The following SMAD5 variants were observed in gnomAD, a reference collection of about 807,000 sequenced individuals.
The protein encoded by SMAD5 is SMAD family member 5.
A neutral mutation model predicts 43.1 loss-of-function variants in SMAD5; 9 were observed. The ratio of observed to expected loss-of-function variants is 0.21; its 90% CI spans 0.13 to 0.36. The LOEUF (loss-of-function observed/expected upper bound fraction) is 0.36, where lower values mean the gene tolerates loss of function less well. Ranked by LOEUF, SMAD5 falls within the 10% of genes least tolerant of loss-of-function variation. The probability of loss-of-function intolerance (pLI) is 1.00; values close to 1 mark genes in which losing one functional copy is unlikely to be tolerated. For missense variants in SMAD5, 348 were observed against 574.0 expected (o/e 0.61, Z 4.02); for synonymous variants, 190 against 192.4 (o/e 0.99, Z 0.10).
chr5:136,141,904 G>A (rs1753093024), intron 1 of SMAD5, among the ~76,000 whole-genome samples: 3 of 152,232 alleles, frequency 2.0e-5, no homozygotes, highest in South Asian at 4.1e-4. Flanking sequence ...CCTCTCTTTA[G>A]TAAGGGTTCA....
In SMAD5 at chr5:136,165,171, G is replaced by A. The variant is rs1753952686; in HGVS notation, c.775+1780G>A. Reference sequence around the variant, plus strand: ...AAATTATTTATTTATTTTAGAGACAGAGTCTTGCTCTGTCATGTCCAGACT... The same window carrying A: ...AAATTATTTATTTATTTTAGAGACAAAGTCTTGCTCTGTCATGTCCAGACT... On this transcript the variant is annotated intron_variant, in intron 5 of 7. Transcript: ENST00000545279. Among the ~76,000 whole-genome samples, 3 of 151,960 alleles carry A rather than the reference G, an allele frequency of 2.0e-5. No homozygotes were observed. In the South Asian group the frequency reaches 6.2e-4, roughly 32 times the overall value.
chr5:136,136,669 G>A (rs1752888695), intron 1 of SMAD5, among the ~76,000 whole-genome samples: 1 of 152,136 alleles, frequency 6.6e-6, no homozygotes, highest in Non-Finnish European at 1.5e-5. Context: ...TAATTACAGA[G>A]TTCTTAGGTT....
At chr5:136,142,439 T>C (rs1753117164) in intron 1 of SMAD5, among the ~76,000 whole-genome samples, 1 of 152,168 alleles carries the variant, frequency 6.6e-6, no homozygotes, top group Non-Finnish European at 1.5e-5. Context: ...TTTGGTACAC[T>C]AATGACGTTC....
rs1177569980 is a variant in SMAD5, at chr5:136,181,425, G to A, written c.*3945G>A. 1 of 152,114 alleles carries A rather than the reference G, an allele frequency of 6.6e-6. No individual in the cohort carries two copies. Among genetic ancestry groups the A allele is most frequent in the East Asian group, 1.9e-4 (1 of 5,198 alleles). 9.4% of individuals were successfully genotyped at this position (152,114 alleles called of 1,614,324 possible). A position where few individuals can be genotyped will look rare whatever the true frequency, so the allele number is the denominator to read the frequency against. ...ATGAGCAAGTATCTTAGGGTAGTAG[G>A]TAGCCTGGTGGTTTTAGAAGTGTTT... On this transcript the variant is annotated 3_prime_UTR_variant, in exon 8 of 8. Coordinates refer to ENST00000545279, the MANE Select transcript of SMAD5 (RefSeq NM_005903.7).
chr5:136,155,750 G>A (rs1753613658), intron 3 of SMAD5, among the ~76,000 whole-genome samples: 1 of 152,110 alleles, frequency 6.6e-6, no homozygotes, highest in African/African-American at 2.4e-5. Context: ...ATCACTAATT[G>A]ACTCTATATT....
rs1754593774 is a variant in SMAD5, at chr5:136,180,610, A to G, written c.*3130A>G. On this transcript the variant is annotated 3_prime_UTR_variant, in exon 8 of 8. Transcript: ENST00000545279. Reference sequence around the variant, plus strand: ...CTAGTAGGCGTGTTATTGATCTGCTAAAACTAACCCTCTTTTTAAGAGGAG... The same window carrying G: ...CTAGTAGGCGTGTTATTGATCTGCTGAAACTAACCCTCTTTTTAAGAGGAG... 6.6e-6 allele frequency: 1 copy of G among 152,162 alleles called. No individual in the cohort carries two copies. Among genetic ancestry groups the G allele is most frequent in the African/African-American group, 2.4e-5 (1 of 41,454 alleles). 9.4% of individuals were successfully genotyped at this position (152,162 alleles called of 1,614,324 possible).
chr5:136,139,450 G>A (rs6596285), intron 1 of SMAD5, among the ~76,000 whole-genome samples: 54,702 of 151,830 alleles, frequency 0.36, 10,841 homozygotes, highest in African/African-American at 0.54. Context: ...CATTCTTCCA[G>A]TTGTCCAGGC....
intron 7 of SMAD5, among the ~76,000 whole-genome samples, chr5:136,176,913 T>C (rs1754441148): frequency 6.6e-6 from 1 of 152,214 alleles, no homozygotes; most frequent in East Asian, 1.9e-4. Context: ...CCACAATTTT[T>C]GCATTCTTCA....
chr5:136,177,116 G>T (rs1028860632), intron 7 of SMAD5, among the ~76,000 whole-genome samples: 5 of 152,080 alleles, frequency 3.3e-5, no homozygotes, highest in Non-Finnish European at 7.4e-5. Context: ...TCTTTTAAGG[G>T]AATTATATAT....
At chr5:136,172,382 A>G (rs1336430384) in intron 5 of SMAD5, 52 bp from the exon 6 acceptor site, 9 of 1,065,162 alleles carry the variant, frequency 8.4e-6, no homozygotes, top group African/African-American at 1.6e-5. Context: ...CACATGGACA[A>G]TCTGAGTTTC....
At chr5:136,148,060 C>CT (rs1289293965) in intron 2 of SMAD5, among the ~76,000 whole-genome samples, 154 bp downstream of exon 2, 1 of 151,670 alleles carries the variant, frequency 6.6e-6, no homozygotes, top group Admixed American at 6.6e-5. Flanking sequence ...AGTAAAAGGT[C>CT]TGATTTTATC....
chr5:136,169,310 G>A (rs1754135813), intron 5 of SMAD5, among the ~76,000 whole-genome samples: 1 of 152,172 alleles, frequency 6.6e-6, no homozygotes, highest in African/African-American at 2.4e-5. Flanking sequence ...GCTGGCAGCT[G>A]ATTAGATGGT....
At chr5:136,167,898 C>G (rs938894171) in intron 5 of SMAD5, among the ~76,000 whole-genome samples, 1 of 151,482 alleles carries the variant, frequency 6.6e-6, no homozygotes, top group Non-Finnish European at 1.5e-5. Context: ...GACGGAATCT[C>G]GCTCTGCCAC....
At chr5:136,145,445 C>T (rs994366041) in intron 1 of SMAD5, among the ~76,000 whole-genome samples, 1 of 151,910 alleles carries the variant, frequency 6.6e-6, no homozygotes, top group East Asian at 1.9e-4. Flanking sequence ...TCGGAACATT[C>T]TTCATACTTA....
Position 136,174,481 on chromosome 5 carries a change from C to T in SMAD5, c.1103C>T (p.Pro368Leu), listed in dbSNP as rs1176527698. The T allele has an allele frequency of 6.2e-7, 1 of 1,613,860 alleles. No homozygotes were observed. Among genetic ancestry groups the T allele is most frequent in the Admixed American group, 1.7e-5 (1 of 59,988 alleles). ...TGCAACTTTCATCATGGCTTTCATC[C>T]CACCACTGTCTGTAAGATTCCCAGC... ...RNCNFHHGFH[P>L]TTVCKIPSSC... is the part of the protein sequence containing the mutation. The change falls in exon 7 of 8, where the codon CCC becomes CTC. Residue 368 changes from proline to leucine, a missense_variant. By Grantham distance (98) the Pro-to-Leu change is moderately conservative. This residue lies in a region of SMAD5 where 97 missense variants were observed against 211.8 expected (regional missense o/e 0.46). Transcript: ENST00000545279.
chr5:136,147,545 C>G (rs1165291929), intron 1 of SMAD5: 1 of 151,842 alleles, frequency 6.6e-6, no homozygotes, highest in Non-Finnish European at 1.5e-5. Flanking sequence ...ATGGATTCTG[C>G]AGCTGGACTG....
At position 136,153,656 on chromosome 5, in the gene SMAD5, T is replaced by A. The variant is rs770366577; in HGVS notation, c.-105T>A. 10 of 877,832 alleles carry A rather than the reference T, an allele frequency of 1.1e-5. No individual in the cohort carries two copies. Among genetic ancestry groups the A allele is most frequent in the Non-Finnish European group, 1.7e-5 (10 of 575,198 alleles). 54.4% of individuals were successfully genotyped at this position (877,832 alleles called of 1,614,324 possible). On this transcript the variant is annotated 5_prime_UTR_variant, in exon 3 of 8. In the 5' UTR this introduces an upstream ATG that the reference lacks. Transcript: ENST00000545279. ...ATAAATGTTACTCCTCCCTTTTTAA[T>A]TGGAACTTCTGCTTAGGACCTGTGT...
intron 5 of SMAD5, among the ~76,000 whole-genome samples, chr5:136,167,601 A>T (rs1433474763): frequency 5.3e-5 from 8 of 151,954 alleles, no homozygotes; most frequent in African/African-American, 1.7e-4. Flanking sequence ...CAACATAGTG[A>T]AATCCCATCT....
At chr5:136,149,097 G>A (rs1580771906) in intron 2 of SMAD5, among the ~76,000 whole-genome samples, 1 of 151,724 alleles carries the variant, frequency 6.6e-6, no homozygotes, top group East Asian at 1.9e-4. Flanking sequence ...TTTGAATGTT[G>A]TGTAGATGGA....
Sources: allele counts gnomAD v4.1 joint callset (sites outside exome capture counted in the v4.1 genomes callset), GRCh38; gene constraint gnomAD v4.1.1; regional missense constraint gnomAD v4.1.1; transcripts MANE v1.5; gene names NCBI Gene and HGNC (gene_info 2026-07-23, HGNC 2026-07-21).